KCNQ5: variants seen among roughly 807,000 people sequenced by gnomAD.
KCNQ5 encodes the protein potassium voltage-gated channel subfamily Q member 5.
In KCNQ5, 30 loss-of-function variants were observed where a neutral mutation model predicts 98.2. That is an observed-to-expected ratio of 0.31 (90% CI 0.23 to 0.41). KCNQ5 has a LOEUF of 0.41. Among genes scored for constraint, KCNQ5 ranks in the 10% least tolerant of loss-of-function variants. KCNQ5 has a pLI of 1.00. For missense variants in KCNQ5, 835 were observed against 1,182.5 expected (o/e 0.71, Z 4.31); for synonymous variants, 458 against 449.4 (o/e 1.02, Z -0.24).
intron 1 of KCNQ5, among the ~76,000 whole-genome samples, chr6:72,821,107 CAA>C (rs1483257900): frequency 6.6e-6 from 1 of 152,116 alleles, no homozygotes; most frequent in Non-Finnish European, 1.5e-5. Flanking sequence ...GATGTTGAGA[CAA>C]AGAGACATAA....
intron 2 of KCNQ5, among the ~76,000 whole-genome samples, chr6:73,031,686 C>T (rs1771153770): frequency 6.6e-6 from 1 of 152,146 alleles, no homozygotes. Context: ...ATAAACTCCT[C>T]GAGGGTGACA....
chr6:72,744,010 C>T (rs1023645003), intron 1 of KCNQ5, among the ~76,000 whole-genome samples: 1 of 152,174 alleles, frequency 6.6e-6, no homozygotes, highest in South Asian at 2.1e-4. Context: ...CCCAGCCTAA[C>T]GGAAACCCCA....
At chr6:72,804,783 T>C (rs1438071747) in intron 1 of KCNQ5, among the ~76,000 whole-genome samples, 1 of 152,174 alleles carries the variant, frequency 6.6e-6, no homozygotes, top group Non-Finnish European at 1.5e-5. Flanking sequence ...CCACTAACAG[T>C]ATACAAGGGT....
Position 73,003,997 on chromosome 6 carries a change from T to C in KCNQ5, c.488T>C (p.Leu163Pro). 1.3e-6 allele frequency: 2 copies of C among 1,575,486 alleles called. No individual in the cohort carries two copies. Among genetic ancestry groups the C allele is most frequent in the Non-Finnish European group, 1.7e-6 (2 of 1,145,212 alleles). The change falls in exon 2 of 14, where the codon CTG (leucine) becomes CCG (proline). Residue 163 changes from leucine (L) to proline (P), a missense_variant and splice_region_variant. Leu to Pro is a moderately conservative substitution (Grantham distance 98). This residue lies in a region of KCNQ5 where 20 missense variants were observed against 16.1 expected (regional missense o/e 1.24). Transcript: ENST00000370398. ...TKLASSCLLI[L>P]EFVMIVVFGL... ...TTGGCCTCAAGTTGCCTCTTGATCC[T>C]GGTAAGTGAAACATGAACAAGAACG...
chr6:72,840,410 T>A (rs1449748026), intron 1 of KCNQ5, among the ~76,000 whole-genome samples: 1 of 152,188 alleles, frequency 6.6e-6, no homozygotes, highest in African/African-American at 2.4e-5. Context: ...TGAGCGGAAT[T>A]TATACACAAA....
intron 9 of KCNQ5, 67 bp downstream of exon 9, chr6:73,124,579 G>T (rs988108801): frequency 1.4e-6 from 2 of 1,380,664 alleles, no homozygotes; most frequent in African/African-American, 2.9e-5. Flanking sequence ...TTTTAAATGT[G>T]TCTCATGTGA....
At chr6:72,734,174 T>C (rs1770702257) in intron 1 of KCNQ5, among the ~76,000 whole-genome samples, 1 of 152,348 alleles carries the variant, frequency 6.6e-6, no homozygotes, top group South Asian at 2.1e-4. Context: ...GTAACTTTGA[T>C]TGCAGAGGAG....
rs1048340139 is a variant in KCNQ5, at chr6:73,153,690, GA to G, written c.1469-16046del. 3.5e-3 allele frequency among the ~76,000 whole-genome samples: 515 copies of G among 145,802 alleles called. 3 individuals carry two copies. Among genetic ancestry groups the G allele is most frequent in the Middle Eastern group, 7.1e-3 (2 of 280 alleles). ...AGGAAGCTCTAAGTCTATCTCTTTA[GA>G]AAAAAAAAAGGTAAGCTACACTTCC... On this transcript the variant is annotated intron_variant, in intron 10 of 13. Transcript: ENST00000370398.
At position 72,672,577 on chromosome 6, in the gene KCNQ5, C is replaced by T. The variant is rs1037316393; in HGVS notation, c.398+49990C>T. 3.3e-5 allele frequency among the ~76,000 whole-genome samples: 5 copies of T among 152,232 alleles called. No homozygotes were observed. The South Asian group carries it at 1.0e-3, about 32-fold the overall frequency. On this transcript the variant is annotated intron_variant, in intron 1 of 13. Coordinates refer to ENST00000370398, the MANE Select transcript of KCNQ5 (RefSeq NM_019842.4). ...CAGAAGTCCTAGTTTCCGATACAGT[C>T]TTTGGCACTTTCTGGCTATATATGC...
chr6:72,809,905 C>G (rs1004676136), intron 1 of KCNQ5, among the ~76,000 whole-genome samples: 23 of 152,144 alleles, frequency 1.5e-4, no homozygotes, highest in African/African-American at 4.8e-4. Context: ...CACAAAATAC[C>G]TCTTCCAGGG....
At position 72,897,215 on chromosome 6, in the gene KCNQ5, GAT is replaced by G. The variant is rs578226170; in HGVS notation, c.399-106692_399-106691del. Reference sequence around the variant, plus strand: ...AAAATTGGAATTACATGGCTTCTGTGATGGAAATTATTGGAAAAAAAATTTAT... The same window carrying G: ...AAAATTGGAATTACATGGCTTCTGTGGGAAATTATTGGAAAAAAAATTTAT... On this transcript the variant is annotated intron_variant, in intron 1 of 13. Coordinates refer to ENST00000370398, the MANE Select transcript of KCNQ5 (RefSeq NM_019842.4). 5.9e-5 allele frequency among the ~76,000 whole-genome samples: 9 copies of G among 152,140 alleles called. No individual in the cohort carries two copies. The East Asian group carries it at 1.7e-3, about 29-fold the overall frequency.
intron 1 of KCNQ5, among the ~76,000 whole-genome samples, chr6:72,826,882 C>T (rs549543881): frequency 6.6e-6 from 1 of 152,126 alleles, no homozygotes; most frequent in Admixed American, 6.6e-5. Context: ...TCCCTTCCCC[C>T]TACCCTCCCA....
At chr6:73,052,091 A>G (rs147225155) in intron 3 of KCNQ5, among the ~76,000 whole-genome samples, 4 of 152,360 alleles carry the variant, frequency 2.6e-5, no homozygotes, top group Non-Finnish European at 5.9e-5. Flanking sequence ...ATTCCAGAAT[A>G]CAATCACAAA....
At chr6:73,021,513 A>G (rs532330374) in intron 2 of KCNQ5, among the ~76,000 whole-genome samples, 5 of 152,304 alleles carry the variant, frequency 3.3e-5, no homozygotes, top group African/African-American at 9.6e-5. Flanking sequence ...TTTATTATAC[A>G]TAAGAACATA....
chr6:72,803,150 A>G (rs1297096293), intron 1 of KCNQ5, among the ~76,000 whole-genome samples: 1 of 152,144 alleles, frequency 6.6e-6, no homozygotes, highest in African/African-American at 2.4e-5. Context: ...CTTAGACACA[A>G]TCTTTGTTCC....
At chr6:72,653,748 A>G (rs1055583049) in intron 1 of KCNQ5, among the ~76,000 whole-genome samples, 26 of 152,052 alleles carry the variant, frequency 1.7e-4, no homozygotes, top group Admixed American at 3.9e-4. Context: ...TTTCAAGACA[A>G]CTATTTTTAA....
chr6:72,991,101 A>T (rs1769079961), intron 1 of KCNQ5, among the ~76,000 whole-genome samples: 1 of 10,106 alleles, frequency 9.9e-5, no homozygotes, highest in Non-Finnish European at 1.6e-4. Context: ...TTCATCAAGG[A>T]TATTGGTCTA....
chr6:72,742,534 A>G (rs553419301), intron 1 of KCNQ5, among the ~76,000 whole-genome samples: 1 of 152,140 alleles, frequency 6.6e-6, no homozygotes, highest in East Asian at 1.9e-4. Context: ...GGTCTGTTCA[A>G]AATTTCCAGG....
chr6:72,735,884 GA>G (rs1317513928), intron 1 of KCNQ5, among the ~76,000 whole-genome samples: 1 of 151,882 alleles, frequency 6.6e-6, no homozygotes, highest in East Asian at 1.9e-4. Context: ...AAATAAATTT[GA>G]AAAACTACTT....
Sources: gnomAD v4.1 joint callset for allele counts (sites outside exome capture counted in the v4.1 genomes callset) on GRCh38, gnomAD v4.1.1 for gene constraint, gnomAD v4.1.1 regional missense constraint, MANE v1.5 for transcripts, NCBI Gene and HGNC (gene_info 2026-07-23, HGNC 2026-07-21) for gene names.